CCDC171: variants seen among roughly 807,000 people sequenced by gnomAD.
CCDC171 encodes the protein coiled-coil domain-containing protein 171.
A neutral mutation model predicts 168.2 loss-of-function variants in CCDC171; 177 were observed. The ratio of observed to expected loss-of-function variants is 1.05; its 90% CI spans 0.93 to 1.19. CCDC171 has a LOEUF of 1.19. Ranked by LOEUF, CCDC171 falls within the 50% of genes most tolerant of loss-of-function variation. The pLI is 0.00. For missense variants in CCDC171, 1,991 were observed against 1,539.0 expected, an observed-to-expected ratio of 1.29 and a Z score of -4.91; for synonymous variants, 687 against 540.8, an observed-to-expected ratio of 1.27 and a Z score of -3.75.
At chr9:15,563,243 A>G (rs1233607615) in intron 1 of CCDC171, among the ~76,000 whole-genome samples, 2 of 151,768 alleles carry the variant, frequency 1.3e-5, no homozygotes, top group Non-Finnish European at 2.9e-5. Context: ...GGTTCAAGCA[A>G]TTCTTCCACC....
At chr9:15,791,868 T>C (rs2058286592) in intron 21 of CCDC171, among the ~76,000 whole-genome samples, 1 of 151,854 alleles carries the variant, frequency 6.6e-6, no homozygotes, top group African/African-American at 2.4e-5. Context: ...ACCACAAAGA[T>C]AGGGAAAAAA....
intron 6 of CCDC171, among the ~76,000 whole-genome samples, chr9:16,024,371 A>T (rs1833234515): frequency 6.6e-6 from 1 of 152,162 alleles, no homozygotes; most frequent in South Asian, 2.1e-4. Context: ...CTAAAGGGAG[A>T]TTACTCTAAT....
At chr9:16,002,312 T>C (rs1298105405) in intron 3 of CCDC171, among the ~76,000 whole-genome samples, 1 of 152,036 alleles carries the variant, frequency 6.6e-6, no homozygotes, top group African/African-American at 2.4e-5. Flanking sequence ...GACCCTCCTA[T>C]GAAAGTGGAA....
Position 15,593,655 on chromosome 9 carries a change from C to T in CCDC171, c.544-386C>T, listed in dbSNP as rs532311680. 1.1e-4 allele frequency among the ~76,000 whole-genome samples: 16 copies of T among 152,046 alleles called. No individual in the cohort carries two copies. In the South Asian group the frequency reaches 3.1e-3, roughly 30 times the overall value. On this transcript the variant is annotated intron_variant, in intron 5 of 25. Coordinates refer to ENST00000380701, the MANE Select transcript of CCDC171 (RefSeq NM_173550.4). ...AGATTTCCATATTAAATGGAATCTA[C>T]TTTGTTTATATCTATCATATGATAT... is the stretch of plus-strand genomic sequence containing the variant.
At chr9:15,958,127 C>G (rs1229142082) in intron 25 of CCDC171, among the ~76,000 whole-genome samples, 1 of 151,716 alleles carries the variant, frequency 6.6e-6, no homozygotes, top group Non-Finnish European at 1.5e-5. Flanking sequence ...TTCATTCATT[C>G]ATTCATTCAT....
At position 15,695,217 on chromosome 9, in the gene CCDC171, T is replaced by A; in HGVS notation, c.1216-18T>A. Reference sequence around the variant, plus strand: ...TATAATACGTGACCTTATGTGTAATTTTTTTCTTAATTAAAAGGCTAAGAA... The same window carrying A: ...TATAATACGTGACCTTATGTGTAATATTTTTCTTAATTAAAAGGCTAAGAA... On this transcript the variant is annotated intron_variant, in intron 10 of 25. Coordinates refer to ENST00000380701, the MANE Select transcript of CCDC171 (RefSeq NM_173550.4). 6.3e-7 allele frequency: 1 copy of A among 1,584,558 alleles called. No homozygotes were observed. Among genetic ancestry groups the A allele is most frequent in the Non-Finnish European group, 8.7e-7 (1 of 1,153,260 alleles).
intron 25 of CCDC171, among the ~76,000 whole-genome samples, chr9:15,933,041 G>C (rs997088919): frequency 2.0e-5 from 3 of 151,876 alleles, no homozygotes; most frequent in African/African-American, 7.2e-5. Flanking sequence ...AGGGATATTG[G>C]CCTGTAGTTT....
At chr9:15,856,188 C>G (rs1231247168) in intron 23 of CCDC171, among the ~76,000 whole-genome samples, 2 of 151,904 alleles carry the variant, frequency 1.3e-5, no homozygotes, top group Non-Finnish European at 2.9e-5. Context: ...GGTAAGAACA[C>G]TTAATCTAAG....
intron 7 of CCDC171, among the ~76,000 whole-genome samples, chr9:15,640,841 G>C (rs1416880906): frequency 6.6e-6 from 1 of 151,988 alleles, no homozygotes; most frequent in Non-Finnish European, 1.5e-5. Context: ...CTGACCCTCT[G>C]AGGCATCTTT....
At chr9:15,778,932 G>A in intron 19 of CCDC171, 36 bp from the exon 20 acceptor site, 1 of 1,384,816 alleles carries the variant, frequency 7.2e-7, no homozygotes, top group East Asian at 2.6e-5. Context: ...TAAATCTGTA[G>A]TTACTGTTTA....
chr9:15,595,059 A>G (rs1411258931), intron 6 of CCDC171, among the ~76,000 whole-genome samples: 1 of 152,224 alleles, frequency 6.6e-6, no homozygotes, highest in African/African-American at 2.4e-5. Context: ...AAATATCCAC[A>G]TATAATACAT....
chr9:15,944,282 A>G, intron 25 of CCDC171, among the ~76,000 whole-genome samples: 1 of 151,996 alleles, frequency 6.6e-6, no homozygotes, highest in East Asian at 1.9e-4. Context: ...ATCTACACTT[A>G]ATTATTGAAG....
chr9:15,613,911 G>A (rs1374157699), intron 6 of CCDC171, among the ~76,000 whole-genome samples: 3 of 152,196 alleles, frequency 2.0e-5, no homozygotes, highest in African/African-American at 7.2e-5. Context: ...TATAAAGTGT[G>A]TATTCTTTGT....
rs536187124 is a variant in CCDC171 at position 16,007,641 on chromosome 9, T to C, written n.369-12948T>C. Among the ~76,000 whole-genome samples the C allele has an allele frequency of 5.9e-5, 9 of 152,348 alleles. No individual in the cohort carries two copies. In the East Asian group the frequency reaches 1.5e-3, roughly 26 times the overall value. On this transcript the variant is annotated intron_variant and non_coding_transcript_variant, in intron 3 of 9. Coordinates refer to the CCDC171 transcript ENST00000486641. ...GTAAGGAAGGGATCCAGTTTCAGCTTTCTACATATGGCTAGCCAGTTTTCC... is the reference window on the plus strand; with the variant it reads ...GTAAGGAAGGGATCCAGTTTCAGCTCTCTACATATGGCTAGCCAGTTTTCC...
At chr9:16,078,884 G>A in the CCDC171 span, among the ~76,000 whole-genome samples, 2 of 152,182 alleles carry the variant, frequency 1.3e-5, no homozygotes, top group Non-Finnish European at 2.9e-5. Context: ...TATTTTGGGT[G>A]TTTTGTACTT....
chr9:15,749,874 A>T (rs1021293783), intron 18 of CCDC171, among the ~76,000 whole-genome samples: 2 of 152,224 alleles, frequency 1.3e-5, no homozygotes, highest in African/African-American at 4.8e-5. Flanking sequence ...AAAGCAGGAA[A>T]GATCAAAATC....
chr9:16,072,027 A>G, the CCDC171 span, among the ~76,000 whole-genome samples: 1 of 152,240 alleles, frequency 6.6e-6, no homozygotes, highest in South Asian at 2.1e-4. Flanking sequence ...TTGCTGGAAT[A>G]TTAATTTGAC....
chr9:15,808,857 A>G (rs113488267), intron 21 of CCDC171, among the ~76,000 whole-genome samples: 17 of 119,342 alleles, frequency 1.4e-4, no homozygotes, highest in African/African-American at 5.4e-4. Context: ...TAAACAGCAG[A>G]AATTTTTCTC....
intron 25 of CCDC171, among the ~76,000 whole-genome samples, chr9:15,922,643 T>G (rs1825478236): frequency 6.6e-6 from 1 of 151,646 alleles, no homozygotes; most frequent in Non-Finnish European, 1.5e-5. Context: ...TTGAGGAATC[T>G]TCATACTGTT....
Sources: allele counts gnomAD v4.1 joint callset (sites outside exome capture counted in the v4.1 genomes callset), GRCh38; gene constraint gnomAD v4.1.1; transcripts MANE v1.5; gene names NCBI Gene and HGNC (gene_info 2026-07-23, HGNC 2026-07-21).